The following YARS2 variants were observed in gnomAD, a reference collection of about 807,000 sequenced individuals.
YARS2 encodes tyrosine--tRNA ligase, mitochondrial.
YARS2 carries 38 observed loss-of-function variants against 45.0 expected under a neutral mutation model. The ratio of observed to expected loss-of-function variants is 0.84; its 90% CI spans 0.65 to 1.11. The LOEUF (loss-of-function observed/expected upper bound fraction) is 1.11. Ranked by LOEUF, YARS2 falls within the 50% of genes least tolerant of loss-of-function variation. The probability of loss-of-function intolerance (pLI) is 0.00; values close to 1 mark genes in which losing one functional copy is unlikely to be tolerated. For synonymous variants in YARS2, 287 were observed against 245.1 expected, an observed-to-expected ratio of 1.17 and a Z score of -1.60; for missense variants, 602 against 599.8, an observed-to-expected ratio of 1.00 and a Z score of -0.04.
chr12:32,755,405 T>A lies in YARS2; in HGVS notation c.470A>T (p.Gln157Leu). ...GLEALAANHQ[Q>L]LFTDGRSWGS... The stretch of plus-strand genomic sequence containing the variant: ...CCAGGAGCGCCCATCAGTGAAAAGC[T>A]GCTGGTGATTAGCCGCCAGGGCCTC... The change falls in exon 1 of 5, where the codon CAG (glutamine) becomes CTG (leucine). Residue 157 changes from glutamine (Q) to leucine (L), a missense_variant. Gln to Leu is a moderately radical substitution (Grantham distance 113). Coordinates refer to ENST00000324868, the MANE Select transcript of YARS2 (RefSeq NM_001040436.3). 6.2e-7 allele frequency: 1 copy of A among 1,613,822 alleles called. No homozygotes were observed. The highest frequency in any genetic ancestry group is 8.5e-7 in the Non-Finnish European group (1 of 1,180,018).
chr12:32,753,041 G>A (rs1342757887), intron 2 of YARS2, among the ~76,000 whole-genome samples: 2 of 152,004 alleles, frequency 1.3e-5, no homozygotes, highest in Admixed American at 6.6e-5. Flanking sequence ...TTGGCCGGGT[G>A]CGGGGGCTCA....
chr12:32,750,196 G>A, intron 3 of YARS2, 89 bp from the exon 4 acceptor site: 1 of 1,529,426 alleles, frequency 6.5e-7, no homozygotes, highest in Non-Finnish European at 8.9e-7. Flanking sequence ...GAGTGTCCAA[G>A]TTCTAGACTA....
chr12:32,752,105 C>T lies in YARS2; in HGVS notation c.948-1231G>A, dbSNP rs572309927. On this transcript the variant is annotated intron_variant, in intron 2 of 4. Coordinates refer to ENST00000324868, the MANE Select transcript of YARS2 (RefSeq NM_001040436.3). ...TCTATGTTTGTGCAGGGACACTCTA[C>T]GATATTTGCAATGATGAAATCACCT... Among the ~76,000 whole-genome samples the T allele has an allele frequency of 5.9e-5, 9 of 152,150 alleles. No homozygotes were observed. In the East Asian group the frequency reaches 7.7e-4, roughly 13 times the overall value.
At position 32,747,255 on chromosome 12, in the gene YARS2, T is replaced by G. The variant is rs1955657303; in HGVS notation, c.1383A>C (p.Leu461Phe). 1.9e-6 allele frequency: 3 copies of G among 1,613,504 alleles called. No individual in the cohort carries two copies. In the African/African-American group the frequency reaches 4.0e-5, roughly 22 times the overall value. The change falls in exon 5 of 5, where the codon TTA becomes TTC. Residue 461 changes from leucine (L) to phenylalanine (F), a missense_variant. Leu to Phe is a conservative substitution (Grantham distance 22). Coordinates refer to ENST00000324868, the MANE Select transcript of YARS2 (RefSeq NM_001040436.3). The part of the protein sequence containing the change: ...GQHILKNGLS[L>F]LKIGKRNFYI... ...AGAAATTTCTTTTTCCTATTTTAAG[T>G]AAGGAAAGTCCATTCTTGAGAATAT...
intron 4 of YARS2, 99 bp downstream of exon 4, chr12:32,749,838 A>G (rs1019303123): frequency 6.5e-5 from 93 of 1,428,772 alleles, no homozygotes; most frequent in Non-Finnish European, 8.6e-5. Context: ...CGGCCTCCCA[A>G]TGTGCTGTGA....
In YARS2 at chr12:32,755,458, G is replaced by C. The variant is rs1222554675; in HGVS notation, c.417C>G (p.Ala139=). Residue 139 remains alanine (A), a synonymous_variant, in exon 1 of 5, where the codon GCC becomes GCG. Coordinates refer to ENST00000324868, the MANE Select transcript of YARS2 (RefSeq NM_001040436.3). The part of the protein sequence containing the change: ...REALETERVR[A]NARALRLGLE... ...GCCCTAGGCGCAGAGCTCGCGCGTT[G>C]GCTCGCACGCGCTCTGTCTCCAGCG... 1 of 1,612,640 alleles carries C rather than the reference G, an allele frequency of 6.2e-7. No homozygotes were observed. Among genetic ancestry groups the C allele is most frequent in the Non-Finnish European group, 8.5e-7 (1 of 1,179,620 alleles).
chr12:32,755,322 A>T lies in YARS2; in HGVS notation c.553T>A (p.Phe185Ile). Residue 185 changes from phenylalanine to isoleucine, a missense_variant, in exon 1 of 5, where the codon TTC becomes ATC. Transcript: ENST00000324868. ...AWYQKQHLVD[F>I]LAAVGGHFRM... ...AAGTGACCCCCCACTGCCGCCAGGA[A>T]GTCCACCAGGTGCTGCTTCTGGTAC... The T allele has an allele frequency of 1.2e-6, 2 of 1,614,142 alleles. No individual in the cohort carries two copies. Among genetic ancestry groups the T allele is most frequent in the Non-Finnish European group, 1.7e-6 (2 of 1,180,034 alleles).
chr12:32,749,584 TTTTA>T (rs1457087405), intron 4 of YARS2, among the ~76,000 whole-genome samples: 1 of 152,048 alleles, frequency 6.6e-6, no homozygotes, highest in Non-Finnish European at 1.5e-5. Context: ...AACTGTAACA[TTTTA>T]TTTATTTTTT....
chr12:32,753,840 T>G, intron 2 of YARS2, 78 bp downstream of exon 2: 1 of 1,574,998 alleles, frequency 6.3e-7, no homozygotes, highest in Non-Finnish European at 8.7e-7. Flanking sequence ...AACTATAAAA[T>G]GTACATAGAT....
chr12:32,750,820 C>A lies in YARS2; in HGVS notation c.1002G>T (p.Gln334His). The change falls in exon 3 of 5, where the codon CAG (glutamine) becomes CAT (histidine). Residue 334 changes from glutamine (Q) to histidine (H), a missense_variant. Coordinates refer to ENST00000324868, the MANE Select transcript of YARS2 (RefSeq NM_001040436.3). ...GCCTTTCTGGCTCTTTGACATGCAG[C>A]TGCATGATATGATCAATCTCTGGAA... ...LPLPEIDHIM[Q>H]LHVKEPERRG... is the part of the protein sequence containing the mutation. 6.2e-7 allele frequency: 1 copy of A among 1,614,176 alleles called. No homozygotes were observed. The highest frequency in any genetic ancestry group is 1.1e-5 in the South Asian group (1 of 91,080).
chr12:32,754,684 C>CCAAA (rs1565560380), intron 1 of YARS2, among the ~76,000 whole-genome samples: 1 of 151,292 alleles, frequency 6.6e-6, no homozygotes, highest in Non-Finnish European at 1.5e-5. Context: ...AACAGACCGA[C>CCAAA]CAAATCTTCA....
chr12:32,750,182 T>C, intron 3 of YARS2, 75 bp from the exon 4 acceptor site: 1 of 1,570,658 alleles, frequency 6.4e-7, no homozygotes, highest in Non-Finnish European at 8.7e-7. Flanking sequence ...ATTAACCAAT[T>C]ATAGAGTGTC....
chr12:32,750,118 C>A lies in YARS2; in HGVS notation c.1104-11G>T, dbSNP rs370036689. 6.2e-7 allele frequency: 1 copy of A among 1,613,724 alleles called. No individual in the cohort carries two copies. Among genetic ancestry groups the A allele is most frequent in the Non-Finnish European group, 8.5e-7 (1 of 1,179,898 alleles). On this transcript the variant is annotated splice_polypyrimidine_tract_variant and intron_variant, in intron 3 of 4. Coordinates refer to ENST00000324868, the MANE Select transcript of YARS2 (RefSeq NM_001040436.3). ...AGGGCTTGTGTACACCTGAAAAACACATTTTAAGAGCTACATCATATAAAT... is the reference window on the plus strand; with the variant it reads ...AGGGCTTGTGTACACCTGAAAAACAAATTTTAAGAGCTACATCATATAAAT...
Position 32,755,235 on chromosome 12 carries a change from T to G in YARS2, c.640A>C (p.Met214Leu), listed in dbSNP as rs371296229. The change falls in exon 1 of 5, where the codon ATG becomes CTG. Residue 214 changes from methionine (M) to leucine (L), a missense_variant. Physicochemically the swap from Met to Leu is conservative, Grantham distance 15. Transcript: ENST00000324868. ...VQLRLKSPEG[M>L]SLAEFFYQVL... ...TGGTAAAAGAACTCGGCCAAGCTCA[T>G]GCCCTCGGGGCTCTTGAGCCGCAGC... 4 of 1,614,082 alleles carry G rather than the reference T, an allele frequency of 2.5e-6. No homozygotes were observed. The highest frequency in any genetic ancestry group is 3.4e-6 in the Non-Finnish European group (4 of 1,180,040).
intron 1 of YARS2, 92 bp from the exon 2 acceptor site, chr12:32,754,177 C>G: frequency 6.6e-7 from 1 of 1,506,786 alleles, no homozygotes; most frequent in Non-Finnish European, 9.2e-7. Flanking sequence ...TGGTTACTTG[C>G]TCCAGGAAAA....
At position 32,749,930 on chromosome 12, in the gene YARS2, A is replaced by G; in HGVS notation, c.1274+7T>C. Reference sequence around the variant, plus strand: ...TAACTGTAAATCTAAAAGTTAAATAATCTTACCCTCGGGGACCATCTGGAA... The same window carrying G: ...TAACTGTAAATCTAAAAGTTAAATAGTCTTACCCTCGGGGACCATCTGGAA... On this transcript the variant is annotated splice_region_variant and intron_variant, in intron 4 of 4. Transcript: ENST00000324868. The G allele has an allele frequency of 2.5e-6, 4 of 1,614,052 alleles. No homozygotes were observed. The highest frequency in any genetic ancestry group is 3.4e-6 in the Non-Finnish European group (4 of 1,179,974).
chr12:32,753,376 A>G (rs1232402652), intron 2 of YARS2, among the ~76,000 whole-genome samples: 1 of 152,166 alleles, frequency 6.6e-6, no homozygotes, highest in Non-Finnish European at 1.5e-5. Context: ...ATCTTTTAAT[A>G]TTTTGCAGGA....
Position 32,747,144 on chromosome 12 carries a change from T to G in YARS2, c.*60A>C. On this transcript the variant is annotated 3_prime_UTR_variant, in exon 5 of 5. Coordinates refer to ENST00000324868, the MANE Select transcript of YARS2 (RefSeq NM_001040436.3). Reference sequence around the variant, plus strand: ...AGGTCTAAGTTCTGGAGCCAACCCTTCAGAGGTCTTGAGAATGAATGATGG... The same window carrying G: ...AGGTCTAAGTTCTGGAGCCAACCCTGCAGAGGTCTTGAGAATGAATGATGG... 1 of 1,582,064 alleles carries G rather than the reference T, an allele frequency of 6.3e-7. No individual in the cohort carries two copies. The highest frequency in any genetic ancestry group is 1.7e-5 in the Admixed American group (1 of 59,634).
chr12:32,751,774 A>G (rs1955749961), intron 2 of YARS2, among the ~76,000 whole-genome samples: 1 of 152,156 alleles, frequency 6.6e-6, no homozygotes, highest in Admixed American at 6.5e-5. Context: ...TTGTGCTCCT[A>G]TGAGAATCTA....
Sources: allele counts gnomAD v4.1 joint callset (sites outside exome capture counted in the v4.1 genomes callset), GRCh38; gene constraint gnomAD v4.1.1; transcripts MANE v1.5; gene names NCBI Gene and HGNC (gene_info 2026-07-23, HGNC 2026-07-21).